The following POLH variants were observed in gnomAD, a reference collection of about 807,000 sequenced individuals.
The protein encoded by POLH is DNA polymerase eta transcript.
In POLH, 53 loss-of-function variants were observed where a neutral mutation model predicts 73.6. That is an observed-to-expected ratio of 0.72 (90% CI 0.58 to 0.91). The LOEUF is 0.91. Among genes scored for constraint, POLH ranks in the 40% least tolerant of loss-of-function variants. The pLI is 0.00. For synonymous variants in POLH, 292 were observed against 308.5 expected, an observed-to-expected ratio of 0.95 and a Z score of 0.56; for missense variants, 768 against 865.4, an observed-to-expected ratio of 0.89 and a Z score of 1.41.
chr6:43,590,104 A>G (rs1765277235), intron 4 of POLH, among the ~76,000 whole-genome samples: 1 of 152,072 alleles, frequency 6.6e-6, no homozygotes, highest in Non-Finnish European at 1.5e-5. Context: ...CACACCTGTA[A>G]TCCAAGCACT....
chr6:43,578,538 T>C lies in POLH; in HGVS notation c.-5+2098T>C, dbSNP rs114906413. On this transcript the variant is annotated intron_variant, in intron 1 of 10. Coordinates refer to ENST00000372236, the MANE Select transcript of POLH (RefSeq NM_006502.3). ...AGACTTTGTCTCAAAAAAAAAAAAG[T>C]GTCATGGTCATGAAAAACAAGGAAC... 2,961 of 329,184 alleles carry C rather than the reference T, an allele frequency of 9.0e-3. 108 individuals carry two copies. The highest frequency in any genetic ancestry group is 0.062 in the African/African-American group (2,711 of 43,818). 20.4% of individuals were successfully genotyped at this position (329,184 alleles called of 1,614,324 possible).
intron 5 of POLH, among the ~76,000 whole-genome samples, chr6:43,598,659 G>T (rs897205587): frequency 6.6e-6 from 1 of 151,108 alleles, no homozygotes; most frequent in African/African-American, 2.4e-5. Context: ...AAAAAGAAAA[G>T]AAAAACCATA....
At chr6:43,611,923 G>A (rs1767929293) in intron 10 of POLH, among the ~76,000 whole-genome samples, 1 of 152,016 alleles carries the variant, frequency 6.6e-6, no homozygotes, top group Non-Finnish European at 1.5e-5. Context: ...AGGCATGGTG[G>A]TGGATGCCTA....
chr6:43,599,602 A>G (rs1205544495), intron 5 of POLH, among the ~76,000 whole-genome samples: 1 of 150,976 alleles, frequency 6.6e-6, no homozygotes, highest in African/African-American at 2.4e-5. Flanking sequence ...CAATACAAGG[A>G]AAGTTGCCAA....
At chr6:43,592,404 C>CTTTTT (rs897203358) in intron 4 of POLH, among the ~76,000 whole-genome samples, 1 of 131,816 alleles carries the variant, frequency 7.6e-6, no homozygotes, top group Admixed American at 7.6e-5. Flanking sequence ...TTTGTATCTT[C>CTTTTT]TTTTTTTTTT....
Position 43,610,728 on chromosome 6 carries a change from G to A in POLH, c.1244+5G>A. On this transcript the variant is annotated splice_donor_5th_base_variant and intron_variant, in intron 10 of 10. Coordinates refer to ENST00000372236, the MANE Select transcript of POLH (RefSeq NM_006502.3). ...TTCTGGAATCCAGACAGAATGGTGA[G>A]TTCTTTTCTAGCTCATCTTCTCAGA... The A allele has an allele frequency of 3.7e-6, 6 of 1,607,558 alleles. No individual in the cohort carries two copies. Among genetic ancestry groups the A allele is most frequent in the Non-Finnish European group, 5.1e-6 (6 of 1,175,754 alleles).
chr6:43,578,523 TCA>T, intron 1 of POLH: 1 of 319,428 alleles, frequency 3.1e-6, no homozygotes, highest in South Asian at 2.5e-5. Flanking sequence ...AGACTTTGTC[TCA>T]AAAAAAAAAA....
At position 43,614,102 on chromosome 6, in the gene POLH, T is replaced by A. The variant is rs1768163429; in HGVS notation, c.1687T>A (p.Leu563Ile). Residue 563 changes from leucine to isoleucine, a missense_variant, in exon 11 of 11, where the codon TTA (leucine) becomes ATA (isoleucine). Leu to Ile is a conservative substitution (Grantham distance 5, BLOSUM62 2). Coordinates refer to ENST00000372236, the MANE Select transcript of POLH (RefSeq NM_006502.3). Reference protein sequence around the residue: ...QQNPWSNCKALPNSLPTEYPG... With the variant: ...QQNPWSNCKAIPNSLPTEYPG... ...AAACCCATGGTCCAACTGTAAAGCA[T>A]TACCAAACTCTTTACCAACAGAGTA... The A allele has an allele frequency of 1.2e-6, 2 of 1,614,094 alleles. No homozygotes were observed. The highest frequency in any genetic ancestry group is 2.7e-5 in the African/African-American group (2 of 74,934).
At chr6:43,607,525 G>C (rs1767436619) in intron 9 of POLH, among the ~76,000 whole-genome samples, 1 of 152,182 alleles carries the variant, frequency 6.6e-6, no homozygotes, top group Admixed American at 6.5e-5. Context: ...ATGTTGATAT[G>C]AACATTCATC....
At chr6:43,612,346 C>CTTT (rs112706817) in intron 10 of POLH, among the ~76,000 whole-genome samples, 4 of 137,412 alleles carry the variant, frequency 2.9e-5, no homozygotes, top group African/African-American at 1.1e-4. Flanking sequence ...TATTGGGATA[C>CTTT]TTTTTTTTTT....
chr6:43,600,456 T>G (rs987316790), intron 5 of POLH, among the ~76,000 whole-genome samples: 3 of 152,188 alleles, frequency 2.0e-5, no homozygotes, highest in Non-Finnish European at 4.4e-5. Flanking sequence ...AGCTTTTTCA[T>G]TTTTTAAGTG....
At chr6:43,599,311 A>G (rs931414272) in intron 5 of POLH, among the ~76,000 whole-genome samples, 1 of 152,106 alleles carries the variant, frequency 6.6e-6, no homozygotes, top group Non-Finnish European at 1.5e-5. Context: ...TTTTTGTATT[A>G]TCTTGTTATG....
chr6:43,611,966 G>A (rs1421452314), intron 10 of POLH, among the ~76,000 whole-genome samples: 1 of 152,074 alleles, frequency 6.6e-6, no homozygotes, highest in African/African-American at 2.4e-5. Flanking sequence ...TGAGGCAGGA[G>A]AATTGCTTGA....
At position 43,616,795 on chromosome 6, in the gene POLH, C is replaced by T. The variant is rs1265771852; in HGVS notation, c.*2238C>T. On this transcript the variant is annotated 3_prime_UTR_variant, in exon 11 of 11. Coordinates refer to ENST00000372236, the MANE Select transcript of POLH (RefSeq NM_006502.3). Reference sequence around the variant, plus strand: ...TTTCATACAGGTAAACCCTATTATACCCTCAGTTCTAACCATTGGCCTATC... The same window carrying T: ...TTTCATACAGGTAAACCCTATTATATCCTCAGTTCTAACCATTGGCCTATC... 2.0e-5 allele frequency among the ~76,000 whole-genome samples: 3 copies of T among 152,158 alleles called. No homozygotes were observed. The highest frequency in any genetic ancestry group is 4.4e-5 in the Non-Finnish European group (3 of 68,038).
Position 43,597,971 on chromosome 6 carries a change from C to T in POLH, c.660+106C>T, listed in dbSNP as rs1582297876. The T allele has an allele frequency of 4.8e-5, 47 of 977,942 alleles. No individual in the cohort carries two copies. In the East Asian group the frequency reaches 9.6e-4, roughly 20 times the overall value. 60.6% of individuals were successfully genotyped at this position (977,942 alleles called of 1,614,324 possible). ...ATTACACATAGGCCGGGTGCAGTTTCGCACGCCTATGTGAGTGGATCGCGT... is the reference window on the plus strand; with the variant it reads ...ATTACACATAGGCCGGGTGCAGTTTTGCACGCCTATGTGAGTGGATCGCGT... On this transcript the variant is annotated intron_variant, in intron 5 of 10. Transcript: ENST00000372236.
At position 43,581,574 on chromosome 6, in the gene POLH, C is replaced by A. The variant is rs1174922859; in HGVS notation, c.-4-742C>A. Among the ~76,000 whole-genome samples, 26 of 150,554 alleles carry A rather than the reference C, an allele frequency of 1.7e-4. No homozygotes were observed. In the East Asian group the frequency reaches 5.0e-3, roughly 29 times the overall value. Reference sequence around the variant, plus strand: ...TCCTTGCCCTCGGGCCCGCGGGGCCCGTCCGCTCCTCCAGCCGCTGCCTCC... The same window carrying A: ...TCCTTGCCCTCGGGCCCGCGGGGCCAGTCCGCTCCTCCAGCCGCTGCCTCC... On this transcript the variant is annotated intron_variant, in intron 1 of 10. Coordinates refer to ENST00000372236, the MANE Select transcript of POLH (RefSeq NM_006502.3).
At chr6:43,606,588 C>G (rs1461605236) in intron 9 of POLH, among the ~76,000 whole-genome samples, 1 of 151,986 alleles carries the variant, frequency 6.6e-6, no homozygotes, top group Admixed American at 6.6e-5. Flanking sequence ...GCCACCATAC[C>G]CAGCTAATTT....
chr6:43,606,289 C>T (rs527246816), intron 9 of POLH, among the ~76,000 whole-genome samples: 2 of 151,926 alleles, frequency 1.3e-5, no homozygotes, highest in Non-Finnish European at 2.9e-5. Flanking sequence ...CTTTTACTTA[C>T]ATCTCCCCAT....
At chr6:43,589,014 A>G (rs1210297584) in intron 4 of POLH, among the ~76,000 whole-genome samples, 1 of 150,840 alleles carries the variant, frequency 6.6e-6, no homozygotes, top group East Asian at 2.0e-4. Flanking sequence ...ATTTTTTTGT[A>G]TTTTTAGTAG....
Sources: allele counts gnomAD v4.1 joint callset (sites outside exome capture counted in the v4.1 genomes callset), GRCh38; gene constraint gnomAD v4.1.1; transcripts MANE v1.5; gene names NCBI Gene and HGNC (gene_info 2026-07-23, HGNC 2026-07-21).